The following ZFAND3 variants were observed in gnomAD, a reference collection of about 807,000 sequenced individuals.
The protein encoded by ZFAND3 is AN1-type zinc finger protein 3.
ZFAND3 carries 10 observed loss-of-function variants against 29.6 expected under a neutral mutation model. The ratio of observed to expected loss-of-function variants is 0.34; its 90% CI spans 0.21 to 0.57. ZFAND3 has a LOEUF of 0.57. Ranked by LOEUF, ZFAND3 falls within the 20% of genes least tolerant of loss-of-function variation. The pLI, the probability that ZFAND3 is intolerant of heterozygous loss-of-function variation, is 0.86. For synonymous variants in ZFAND3, 128 were observed against 112.6 expected, an observed-to-expected ratio of 1.14 and a Z score of -0.87; for missense variants, 230 against 304.5, an observed-to-expected ratio of 0.76 and a Z score of 1.82.
intron 2 of ZFAND3, among the ~76,000 whole-genome samples, chr6:38,010,989 G>A (rs912117098): frequency 2.0e-5 from 3 of 148,774 alleles, no homozygotes; most frequent in African/African-American, 7.5e-5. Context: ...AGTGATCCTC[G>A]CACCTCAGCG....
intron 5 of ZFAND3, among the ~76,000 whole-genome samples, chr6:38,141,682 T>C (rs1037565164): frequency 6.6e-6 from 1 of 152,192 alleles, no homozygotes; most frequent in African/African-American, 2.4e-5. Flanking sequence ...TTGTCGGCAG[T>C]GACTTCTCAA....
At chr6:38,079,499 G>T (rs1303484200) in intron 3 of ZFAND3, among the ~76,000 whole-genome samples, 1 of 152,122 alleles carries the variant, frequency 6.6e-6, no homozygotes, top group African/African-American at 2.4e-5. Context: ...ACAAGGTAAA[G>T]ATTCTCTTAT....
intron 2 of ZFAND3, among the ~76,000 whole-genome samples, chr6:37,989,763 G>A (rs1026184927): frequency 6.6e-6 from 1 of 152,092 alleles, no homozygotes; most frequent in Non-Finnish European, 1.5e-5. Flanking sequence ...TGGCTGGCAC[G>A]GTAGTTTTTG....
At chr6:37,928,854 T>C (rs1000391684) in intron 1 of ZFAND3, among the ~76,000 whole-genome samples, 2 of 152,154 alleles carry the variant, frequency 1.3e-5, no homozygotes, top group African/African-American at 4.8e-5. Context: ...ATGTAGTCCC[T>C]AGGGTGCTGT....
At chr6:38,083,621 C>T (rs1764705396) in intron 4 of ZFAND3, among the ~76,000 whole-genome samples, 1 of 152,114 alleles carries the variant, frequency 6.6e-6, no homozygotes, top group African/African-American at 2.4e-5. Flanking sequence ...TTCAAATGCA[C>T]AGTACTTTAG....
chr6:38,063,264 A>G (rs1481908148), intron 3 of ZFAND3, among the ~76,000 whole-genome samples: 1 of 152,218 alleles, frequency 6.6e-6, no homozygotes, highest in Non-Finnish European at 1.5e-5. Context: ...AAAATAAGCA[A>G]GGTCATAGTC....
intron 2 of ZFAND3, among the ~76,000 whole-genome samples, chr6:37,971,844 A>T (rs998486165): frequency 6.7e-6 from 1 of 149,816 alleles, no homozygotes; most frequent in African/African-American, 2.4e-5. Context: ...AAAAAAAAAA[A>T]AAAAAAATTA....
intron 2 of ZFAND3, among the ~76,000 whole-genome samples, chr6:38,034,057 C>A (rs1763612750): frequency 6.6e-6 from 1 of 152,040 alleles, no homozygotes; most frequent in African/African-American, 2.4e-5. Flanking sequence ...ATTTAGGGAT[C>A]TGAAAAAAAG....
At position 37,878,527 on chromosome 6, in the gene ZFAND3, G is replaced by A. The variant is rs577434909; in HGVS notation, c.72-51432G>A. Among the ~76,000 whole-genome samples, 125 of 152,246 alleles carry A rather than the reference G, an allele frequency of 8.2e-4. 1 individual carries two copies. Among genetic ancestry groups the A allele is most frequent in the African/African-American group, 2.5e-3 (103 of 41,554 alleles). ...GTGAGGCAGGGCCTAGATCCCTCCC[G>A]CTTGGCATAGCCCTGCCCCTGTGAC... On this transcript the variant is annotated intron_variant, in intron 1 of 5. Coordinates refer to ENST00000287218, the MANE Select transcript of ZFAND3 (RefSeq NM_021943.3).
chr6:37,922,356 A>G lies in ZFAND3; in HGVS notation c.72-7603A>G, dbSNP rs548203350. ...AGTAAGAGTGTGACTACATTATAGT[A>G]TTAGTATGTAATGGATTGTCACAGA... On this transcript the variant is annotated intron_variant, in intron 1 of 5. Coordinates refer to ENST00000287218, the MANE Select transcript of ZFAND3 (RefSeq NM_021943.3). Among the ~76,000 whole-genome samples the G allele has an allele frequency of 3.9e-5, 6 of 152,314 alleles. No individual in the cohort carries two copies. In the South Asian group the frequency reaches 6.2e-4, roughly 16 times the overall value.
intron 2 of ZFAND3, among the ~76,000 whole-genome samples, chr6:38,049,400 C>T (rs960927038): frequency 1.3e-5 from 2 of 152,156 alleles, no homozygotes; most frequent in African/African-American, 4.8e-5. Flanking sequence ...TTATTATTCT[C>T]ATTTGTAGGG....
intron 1 of ZFAND3, among the ~76,000 whole-genome samples, chr6:37,921,785 C>G (rs1761384527): frequency 6.6e-6 from 1 of 151,830 alleles, no homozygotes. Context: ...GTGGCTCATA[C>G]CTGTAATCGC....
At chr6:37,911,312 G>A (rs1339728677) in intron 1 of ZFAND3, among the ~76,000 whole-genome samples, 1 of 151,992 alleles carries the variant, frequency 6.6e-6, no homozygotes, top group Non-Finnish European at 1.5e-5. Flanking sequence ...ATACTTTTTT[G>A]TGTACCTGTT....
chr6:37,941,706 T>C (rs1313182589), intron 2 of ZFAND3, among the ~76,000 whole-genome samples: 3 of 152,204 alleles, frequency 2.0e-5, no homozygotes, highest in Non-Finnish European at 4.4e-5. Context: ...ACATTGTCAG[T>C]GTGAAAGCAA....
intron 1 of ZFAND3, among the ~76,000 whole-genome samples, chr6:37,909,221 G>C (rs1021720792): frequency 6.6e-6 from 1 of 151,820 alleles, no homozygotes; most frequent in Non-Finnish European, 1.5e-5. Context: ...CATTAAGAGG[G>C]AAGACTTTCT....
intron 4 of ZFAND3, among the ~76,000 whole-genome samples, chr6:38,084,740 T>C (rs966821715): frequency 2.0e-5 from 3 of 152,156 alleles, no homozygotes; most frequent in South Asian, 4.1e-4. Context: ...TTGAGGTGAA[T>C]ACCTACCTCT....
At chr6:37,845,750 T>TA (rs1764166952) in intron 1 of ZFAND3, among the ~76,000 whole-genome samples, 1 of 152,198 alleles carries the variant, frequency 6.6e-6, no homozygotes, top group African/African-American at 2.4e-5. Flanking sequence ...CTCTCTTAGA[T>TA]AAAATGTTTG....
In ZFAND3 at chr6:38,106,715, A is replaced by G. The variant is rs146845952; in HGVS notation, c.362-9857A>G. Among the ~76,000 whole-genome samples, 307 of 152,152 alleles carry G rather than the reference A, an allele frequency of 2.0e-3. 3 individuals are homozygous for G. Among genetic ancestry groups the G allele is most frequent in the African/African-American group, 7.0e-3 (289 of 41,494 alleles). ...TGTGTGTGTGTATATGTGTATGTGT[A>G]TATCTTTCCTTCTGGATTGGGGCCA... On this transcript the variant is annotated intron_variant, in intron 4 of 5. Transcript: ENST00000287218.
intron 5 of ZFAND3, among the ~76,000 whole-genome samples, chr6:38,146,620 C>T (rs1156633095): frequency 6.6e-6 from 1 of 152,156 alleles, no homozygotes; most frequent in East Asian, 1.9e-4. Flanking sequence ...ATCTTGGGCT[C>T]TAAGGAGCAG....
Sources: gnomAD v4.1 joint callset for allele counts (sites outside exome capture counted in the v4.1 genomes callset) on GRCh38, gnomAD v4.1.1 for gene constraint, MANE v1.5 for transcripts, NCBI Gene and HGNC (gene_info 2026-07-23, HGNC 2026-07-21) for gene names.